Variants in DHRSX observed in about 807,000 individuals in gnomAD.
DHRSX encodes the protein polyprenol dehydrogenase.
Under a neutral mutation model 34.0 loss-of-function variants are expected in DHRSX, and 31 were observed. That is an observed-to-expected ratio of 0.91 (90% CI 0.69 to 1.23). The LOEUF is 1.23. Among genes scored for constraint, DHRSX ranks in the 50% most tolerant of loss-of-function variants. The probability of loss-of-function intolerance (pLI) is 0.00; values close to 1 mark genes in which losing one functional copy is unlikely to be tolerated. For missense variants in DHRSX, 414 were observed against 428.1 expected (o/e 0.97, Z 0.29); for synonymous variants, 201 against 183.8 (o/e 1.09, Z -0.76).
intron 1 of DHRSX, among the ~76,000 whole-genome samples, chrX:2,459,830 G>A (rs6641757): frequency 0.042 from 6,450 of 152,014 alleles, 212 homozygotes; most frequent in South Asian, 0.093. Flanking sequence ...ACACTGGGCC[G>A]GGCGCGGTGG....
At chrX:2,226,020 G>A (rs1157094912) in intron 6 of DHRSX, among the ~76,000 whole-genome samples, 1 of 152,056 alleles carries the variant, frequency 6.6e-6, no homozygotes, top group Admixed American at 6.6e-5. Context: ...AGAGGCCTCG[G>A]GAGGAGCCCG....
chrX:2,460,128 A>C (rs930639211), intron 1 of DHRSX, among the ~76,000 whole-genome samples: 6 of 152,206 alleles, frequency 3.9e-5, no homozygotes, highest in South Asian at 2.1e-4. Flanking sequence ...AACAAACAAA[A>C]AAAGTATCCA....
At position 2,350,748 on chromosome X, in the gene DHRSX, G is replaced by A. The variant is rs749044283; in HGVS notation, c.286+57997C>T. ...CAAGAGGGTGGCTCTCATGGTAAGC[G>A]TTTGACCGTGATAAAATAAAAATTT... On this transcript the variant is annotated intron_variant, in intron 3 of 6. Transcript: ENST00000334651. Among the ~76,000 whole-genome samples, 7 of 152,162 alleles carry A rather than the reference G, an allele frequency of 4.6e-5. No individual in the cohort carries two copies. The South Asian group carries it at 8.3e-4, about 18-fold the overall frequency.
intron 4 of DHRSX, among the ~76,000 whole-genome samples, chrX:2,289,749 C>T (rs1469178474): frequency 6.6e-6 from 1 of 152,178 alleles, no homozygotes. Context: ...AAAGGAAGTC[C>T]ACACCCAGTG....
rs866510697 is a variant in DHRSX at position 2,335,773 on chromosome X, G to A, written c.287-44170C>T. On this transcript the variant is annotated intron_variant, in intron 3 of 6. Transcript: ENST00000334651. The stretch of plus-strand genomic sequence containing the variant: ...GGCCAGGAGTAACTTTGAATAAAAC[G>A]GGAGGCAAGTTTGCTCTGAGAAGTT... 2.6e-4 allele frequency among the ~76,000 whole-genome samples: 39 copies of A among 151,580 alleles called. 1 individual carries two copies. Among genetic ancestry groups the A allele is most frequent in the Admixed American group, 1.4e-3 (21 of 15,170 alleles).
chrX:2,361,573 T>C (rs1316152100), intron 3 of DHRSX, among the ~76,000 whole-genome samples: 1 of 152,132 alleles, frequency 6.6e-6, no homozygotes, highest in Non-Finnish European at 1.5e-5. Flanking sequence ...GTATTAATGA[T>C]TGAATTTTTA....
chrX:2,459,562 A>G (rs1291068645), intron 1 of DHRSX, among the ~76,000 whole-genome samples: 2 of 147,498 alleles, frequency 1.4e-5, no homozygotes, highest in African/African-American at 4.9e-5. Context: ...ATATATATAT[A>G]TATATATATA....
chrX:2,399,186 G>A (rs762548011), intron 3 of DHRSX, among the ~76,000 whole-genome samples: 1 of 152,226 alleles, frequency 6.6e-6, no homozygotes, highest in Non-Finnish European at 1.5e-5. Context: ...GACCTGCGAG[G>A]ACCAATTAAA....
At chrX:2,398,169 C>G (rs2043438408) in intron 3 of DHRSX, among the ~76,000 whole-genome samples, 1 of 152,098 alleles carries the variant, frequency 6.6e-6, no homozygotes, top group Admixed American at 6.6e-5. Context: ...GCAGAAGTAT[C>G]TCTGAATGGA....
intron 3 of DHRSX, among the ~76,000 whole-genome samples, chrX:2,336,642 C>T (rs2042569017): frequency 6.6e-6 from 1 of 151,008 alleles, no homozygotes. Flanking sequence ...TGTTGTTGCC[C>T]AGGCTGGAGT....
Position 2,500,902 on chromosome X carries a change from C to G in DHRSX, c.24G>C (p.Arg8=). Residue 8 remains arginine, a synonymous_variant, in exon 1 of 7, where the codon CGG becomes CGC. Coordinates refer to ENST00000334651, the MANE Select transcript of DHRSX (RefSeq NM_145177.3). ...CTACCGCGTAGACCCGCAGGGCCGC[C>G]CGCGCCGCAGACAATGGCGACATGG... The part of the protein sequence containing the change: MSPLSAA[R]AALRVYAVGA... 1.8e-6 allele frequency: 2 copies of G among 1,126,160 alleles called. No individual in the cohort carries two copies. The highest frequency in any genetic ancestry group is 9.5e-5 in the Admixed American group (2 of 20,960). 69.8% of individuals were successfully genotyped at this position (1,126,160 alleles called of 1,614,324 possible). A position where few individuals can be genotyped will look rare whatever the true frequency, so the allele number is the denominator to read the frequency against.
intron 1 of DHRSX, among the ~76,000 whole-genome samples, chrX:2,441,033 G>T (rs2044056342): frequency 6.6e-6 from 1 of 152,278 alleles, no homozygotes; most frequent in East Asian, 1.9e-4. Context: ...CGCCCAGGAT[G>T]CATGGACACT....
Position 2,242,971 on chromosome X carries a change from C to T in DHRSX, c.804+52G>A, listed in dbSNP as rs373093983. 139 of 1,575,100 alleles carry T rather than the reference C, an allele frequency of 8.8e-5. No homozygotes were observed. The African/African-American group carries it at 1.6e-3, about 19-fold the overall frequency. ...GGGGTCTGGACTGGGGACCCCCTTT[C>T]CTGTAGCATCTTCAGGTGCAGCCGT... On this transcript the variant is annotated intron_variant, in intron 6 of 6. Transcript: ENST00000334651.
intron 1 of DHRSX, among the ~76,000 whole-genome samples, chrX:2,433,868 G>A (rs1195798718): frequency 6.6e-6 from 1 of 152,212 alleles, no homozygotes; most frequent in South Asian, 2.1e-4. Flanking sequence ...TCCACCTCCC[G>A]GGTTCACGCC....
intron 3 of DHRSX, among the ~76,000 whole-genome samples, chrX:2,303,999 TGATGGATGGACG>T (rs2042056567): frequency 1.5e-5 from 1 of 68,792 alleles, no homozygotes; most frequent in African/African-American, 5.9e-5. Flanking sequence ...ATGGATGAAT[TGATGGATGGACG>T]GATGGATGAA....
At chrX:2,361,575 G>A (rs1382786657) in intron 3 of DHRSX, among the ~76,000 whole-genome samples, 2 of 152,094 alleles carry the variant, frequency 1.3e-5, no homozygotes, top group Non-Finnish European at 2.9e-5. Context: ...ATTAATGATT[G>A]AATTTTTAAT....
chrX:2,234,245 T>C (rs1351701959), intron 6 of DHRSX, among the ~76,000 whole-genome samples: 1 of 147,542 alleles, frequency 6.8e-6, no homozygotes, highest in Non-Finnish European at 1.5e-5. Flanking sequence ...CCTGCCTGCA[T>C]CCATGCACAC....
chrX:2,329,711 C>CTCTCTCGAAGGACATTAGTATG (rs2042433261), intron 3 of DHRSX, among the ~76,000 whole-genome samples: 1 of 152,128 alleles, frequency 6.6e-6, no homozygotes, highest in African/African-American at 2.4e-5. Context: ...TTGACATTAA[C>CTCTCTCGAAGGACATTAGTATG]TCTCTCGAAG....
intron 6 of DHRSX, among the ~76,000 whole-genome samples, chrX:2,238,421 C>T (rs1281579053): frequency 1.3e-5 from 2 of 151,886 alleles, no homozygotes; most frequent in Non-Finnish European, 1.5e-5. Flanking sequence ...GGTTACTGGC[C>T]GTGAATTTGG....
Sources: allele counts gnomAD v4.1 joint callset (sites outside exome capture counted in the v4.1 genomes callset), GRCh38; gene constraint gnomAD v4.1.1; transcripts MANE v1.5; gene names NCBI Gene and HGNC (gene_info 2026-07-23, HGNC 2026-07-21).